Variants in DPH6 observed in about 807,000 individuals in gnomAD.
DPH6 encodes diphthamine biosynthesis 6.
A neutral mutation model predicts 38.2 loss-of-function variants in DPH6; 33 were observed. That is an observed-to-expected ratio of 0.86 (90% CI 0.65 to 1.15). DPH6 has a LOEUF of 1.15. DPH6 is among the 50% of genes most tolerant of loss of function. The pLI, the probability that DPH6 is intolerant of heterozygous loss-of-function variation, is 0.00. For missense variants in DPH6, 325 were observed against 320.0 expected (o/e 1.02, Z -0.12); for synonymous variants, 108 against 103.0 (o/e 1.05, Z -0.30).
intron 5 of DPH6, among the ~76,000 whole-genome samples, chr15:35,416,659 C>T (rs1003778875): frequency 6.6e-6 from 1 of 152,002 alleles, no homozygotes; most frequent in African/African-American, 2.4e-5. Context: ...CTCCTGATGC[C>T]TTGCTGGTTA....
At chr15:35,406,553 A>C (rs1403393101) in intron 6 of DPH6, among the ~76,000 whole-genome samples, 2 of 152,030 alleles carry the variant, frequency 1.3e-5, no homozygotes, top group African/African-American at 4.8e-5. Context: ...GCAGATGCTA[A>C]TGTGGTGACT....
chr15:35,227,737 CT>C (rs1015344180), intron 3 of DPH6, among the ~76,000 whole-genome samples: 4 of 150,414 alleles, frequency 2.7e-5, no homozygotes, highest in Non-Finnish European at 3.0e-5. Context: ...GGTTTTTCAT[CT>C]TTTTTTTGAT....
At chr15:35,366,228 T>TTG (rs10525441), downstream of DPH6, among the ~76,000 whole-genome samples, 2,392 of 144,318 alleles carry the variant, frequency 0.017, 24 homozygotes, top group African/African-American at 0.019. Context: ...TTTAGTCATC[T>TTG]TGTGTGTGTG....
chr15:35,521,930 A>T (rs991297933), intron 3 of DPH6: 3 of 1,418,454 alleles, frequency 2.1e-6, no homozygotes, highest in African/African-American at 1.4e-5. Context: ...ATACATGGAA[A>T]GTTCATTTTT....
rs74008099 is a variant in DPH6 at position 35,468,336 on chromosome 15, G to A, written c.313-13516C>T. Among the ~76,000 whole-genome samples the A allele has an allele frequency of 4.7e-4, 71 of 152,278 alleles. 1 individual carries two copies. Among genetic ancestry groups the A allele is most frequent in the African/African-American group, 1.7e-3 (70 of 41,554 alleles). ...AAATGAGATGTAGAATTAAACACCAGGTGAATATCTGTGCAGGGAACAATC... is the reference window on the plus strand; with the variant it reads ...AAATGAGATGTAGAATTAAACACCAAGTGAATATCTGTGCAGGGAACAATC... On this transcript the variant is annotated intron_variant, in intron 3 of 8. Coordinates refer to ENST00000256538, the MANE Select transcript of DPH6 (RefSeq NM_080650.4).
chr15:35,333,327 A>G (rs1377016944), intron 3 of DPH6, among the ~76,000 whole-genome samples: 1 of 152,196 alleles, frequency 6.6e-6, no homozygotes, highest in African/African-American at 2.4e-5. Flanking sequence ...CAAAAGTATT[A>G]TACTACAAAA....
At chr15:35,197,650 T>G in the DPH6 span, among the ~76,000 whole-genome samples, 2 of 152,196 alleles carry the variant, frequency 1.3e-5, no homozygotes, top group Non-Finnish European at 2.9e-5. Flanking sequence ...TTCTAGGTAT[T>G]TCAGAAAGTT....
chr15:35,438,292 C>CTTT (rs1328004339), intron 5 of DPH6, among the ~76,000 whole-genome samples: 3 of 151,406 alleles, frequency 2.0e-5, no homozygotes, highest in African/African-American at 7.3e-5. Context: ...GAGTCTCTCT[C>CTTT]TTTCGTCCAG....
At chr15:35,322,707 T>C (rs1182618177) in intron 3 of DPH6, among the ~76,000 whole-genome samples, 1 of 152,166 alleles carries the variant, frequency 6.6e-6, no homozygotes, top group Non-Finnish European at 1.5e-5. Context: ...TCTTCTATTT[T>C]CAAAAATTAT....
At chr15:35,421,957 T>G (rs879489066) in intron 5 of DPH6, among the ~76,000 whole-genome samples, 3 of 151,952 alleles carry the variant, frequency 2.0e-5, no homozygotes, top group Non-Finnish European at 2.9e-5. Flanking sequence ...AGCATTAGTA[T>G]AGAAGAGAAC....
intron 3 of DPH6, among the ~76,000 whole-genome samples, chr15:35,532,080 A>T (rs1428866596): frequency 6.6e-6 from 1 of 152,182 alleles, no homozygotes; most frequent in Non-Finnish European, 1.5e-5. Context: ...AGAGATAAGC[A>T]TAAAGAAAAG....
At chr15:35,177,332 T>G in the DPH6 span, among the ~76,000 whole-genome samples, 1 of 151,850 alleles carries the variant, frequency 6.6e-6, no homozygotes, top group Non-Finnish European at 1.5e-5. Flanking sequence ...CTCAGCACTT[T>G]GGGAGGCTGA....
At chr15:35,374,235 G>C (rs997576901) in intron 7 of DPH6, among the ~76,000 whole-genome samples, 12 of 151,978 alleles carry the variant, frequency 7.9e-5, no homozygotes, top group Admixed American at 7.9e-4. Flanking sequence ...GAATAACTAA[G>C]ATTATGTGTA....
At chr15:35,151,071 C>G in the DPH6 span, among the ~76,000 whole-genome samples, 1 of 152,170 alleles carries the variant, frequency 6.6e-6, no homozygotes, top group African/African-American at 2.4e-5. Flanking sequence ...GGTAATGAGA[C>G]AGGAAGAAGT....
chr15:35,354,685 G>T (rs1294442687), intron 3 of DPH6, among the ~76,000 whole-genome samples: 1 of 152,158 alleles, frequency 6.6e-6, no homozygotes, highest in African/African-American at 2.4e-5. Flanking sequence ...CGGTTTGCCA[G>T]TATTTTATTG....
At chr15:35,448,830 A>T (rs9806188) in intron 5 of DPH6, among the ~76,000 whole-genome samples, 1 of 152,096 alleles carries the variant, frequency 6.6e-6, no homozygotes, top group African/African-American at 2.4e-5. Context: ...ATTGATGCCT[A>T]TAAGACATAA....
the DPH6 span, among the ~76,000 whole-genome samples, chr15:35,160,476 T>A: frequency 1.3e-5 from 2 of 151,926 alleles, no homozygotes; most frequent in African/African-American, 4.8e-5. Flanking sequence ...TAGGGGTACA[T>A]TTGTGGGTTT....
chr15:35,151,648 C>T, the DPH6 span, among the ~76,000 whole-genome samples: 2 of 152,188 alleles, frequency 1.3e-5, no homozygotes, highest in African/African-American at 2.4e-5. Context: ...CTGAGTGTGG[C>T]TGTGAGTTTA....
At chr15:35,496,563 A>ATATAT (rs1555406393) in intron 3 of DPH6, among the ~76,000 whole-genome samples, 124 of 15,998 alleles carry the variant, frequency 7.8e-3, no homozygotes, top group South Asian at 0.018. Context: ...CTCAAAAAAA[A>ATATAT]AAAAATATAT....
Sources: allele counts gnomAD v4.1 joint callset (sites outside exome capture counted in the v4.1 genomes callset), GRCh38; gene constraint gnomAD v4.1.1; transcripts MANE v1.5; gene names NCBI Gene and HGNC (gene_info 2026-07-23, HGNC 2026-07-21).